Variants in PLCB1 observed in about 807,000 individuals in gnomAD.
The protein encoded by PLCB1 is phospholipase C beta 1, also known as 1-phosphatidylinositol 4,5-bisphosphate phosphodiesterase beta-1.
In PLCB1, 46 loss-of-function variants were observed where a neutral mutation model predicts 161.8. The observed-to-expected ratio is 0.28, with a 90% confidence interval of 0.22 to 0.36. The LOEUF (loss-of-function observed/expected upper bound fraction) is 0.36, where lower values mean the gene tolerates loss of function less well. Ranked by LOEUF, PLCB1 falls within the 10% of genes least tolerant of loss-of-function variation. The pLI, the probability that PLCB1 is intolerant of heterozygous loss-of-function variation, is 1.00. For missense variants in PLCB1, 1,016 were observed against 1,472.5 expected (o/e 0.69, Z 5.07); for synonymous variants, 517 against 503.7 (o/e 1.03, Z -0.35).
At chr20:8,234,769 G>C (rs1454777092) in intron 2 of PLCB1, among the ~76,000 whole-genome samples, 2 of 152,112 alleles carry the variant, frequency 1.3e-5, no homozygotes, top group Non-Finnish European at 2.9e-5. Context: ...ATTAGAAACA[G>C]TATTTAACTA....
At chr20:8,282,744 T>C (rs1982931062) in intron 2 of PLCB1, among the ~76,000 whole-genome samples, 1 of 152,200 alleles carries the variant, frequency 6.6e-6, no homozygotes, top group Non-Finnish European at 1.5e-5. Flanking sequence ...TTTTGGACTA[T>C]AAGCCAAAGT....
intron 9 of PLCB1, among the ~76,000 whole-genome samples, chr20:8,684,086 G>C (rs6056000): frequency 0.98 from 148,403 of 151,720 alleles, 72,597 homozygotes; most frequent in African/African-American, 0.99. Flanking sequence ...AGGTTTCACC[G>C]TGTTAGCCAG....
At chr20:8,727,819 A>G (rs1193193064) in intron 17 of PLCB1, among the ~76,000 whole-genome samples, 1 of 152,094 alleles carries the variant, frequency 6.6e-6, no homozygotes, top group African/African-American at 2.4e-5. Flanking sequence ...TCACATACTT[A>G]TATGTACTAT....
At chr20:8,298,484 T>C (rs1260152253) in intron 2 of PLCB1, among the ~76,000 whole-genome samples, 1 of 151,892 alleles carries the variant, frequency 6.6e-6, no homozygotes, top group East Asian at 1.9e-4. Context: ...CTTGATAATA[T>C]TTCTAATATT....
chr20:8,394,316 G>A (rs1453812509), intron 3 of PLCB1, among the ~76,000 whole-genome samples: 1 of 152,164 alleles, frequency 6.6e-6, no homozygotes, highest in African/African-American at 2.4e-5. Context: ...ACCTTGAATT[G>A]AGGTTAGATT....
intron 2 of PLCB1, among the ~76,000 whole-genome samples, chr20:8,348,134 A>G (rs1986056380): frequency 1.3e-5 from 2 of 152,186 alleles, no homozygotes. Context: ...AGTCATGACT[A>G]CAAAGATGAC....
chr20:8,746,289 T>C (rs2123534437), intron 23 of PLCB1, among the ~76,000 whole-genome samples: 1 of 152,328 alleles, frequency 6.6e-6, no homozygotes, highest in African/African-American at 2.4e-5. Context: ...ATAATGTAAT[T>C]ACAGAGATGC....
At chr20:8,293,830 G>A (rs1471020466) in intron 2 of PLCB1, among the ~76,000 whole-genome samples, 1 of 152,136 alleles carries the variant, frequency 6.6e-6, no homozygotes, top group East Asian at 1.9e-4. Context: ...CAGAGTCAAG[G>A]ATGACACCAT....
At chr20:8,237,637 T>C (rs1385660291) in intron 2 of PLCB1, among the ~76,000 whole-genome samples, 2 of 152,142 alleles carry the variant, frequency 1.3e-5, no homozygotes, top group Non-Finnish European at 2.9e-5. Flanking sequence ...TATAACTATA[T>C]CTTAATTCAG....
At chr20:8,814,997 T>G (rs1985016098) in intron 31 of PLCB1, among the ~76,000 whole-genome samples, 1 of 152,182 alleles carries the variant, frequency 6.6e-6, no homozygotes, top group East Asian at 1.9e-4. Context: ...TGCACAGCAA[T>G]CCACACTAAC....
chr20:8,834,652 TAAAA>T (rs1986191834), intron 31 of PLCB1, among the ~76,000 whole-genome samples: 1 of 151,648 alleles, frequency 6.6e-6, no homozygotes, highest in Admixed American at 6.6e-5. Flanking sequence ...CCATCTCTAT[TAAAA>T]ATACAAAAAT....
At chr20:8,809,619 G>A (rs1018289091) in intron 31 of PLCB1, among the ~76,000 whole-genome samples, 1 of 152,200 alleles carries the variant, frequency 6.6e-6, no homozygotes, top group South Asian at 2.1e-4. Flanking sequence ...CTCTTTCATG[G>A]TACAGGGTTT....
intron 3 of PLCB1, among the ~76,000 whole-genome samples, chr20:8,414,911 G>T (rs878995508): frequency 6.6e-6 from 1 of 151,986 alleles, no homozygotes; most frequent in Admixed American, 6.5e-5. Context: ...CTCCCACCCA[G>T]ACCTACTGAC....
intron 3 of PLCB1, among the ~76,000 whole-genome samples, chr20:8,495,224 C>A (rs1276153824): frequency 1.3e-5 from 2 of 151,940 alleles, no homozygotes; most frequent in Non-Finnish European, 2.9e-5. Context: ...TATGAAAGTG[C>A]TATCATTATG....
At chr20:8,233,907 A>G (rs1980192566) in intron 2 of PLCB1, among the ~76,000 whole-genome samples, 1 of 152,198 alleles carries the variant, frequency 6.6e-6, no homozygotes, top group African/African-American at 2.4e-5. Flanking sequence ...ACATTGTTGC[A>G]TGCGATTGTA....
intron 4 of PLCB1, among the ~76,000 whole-genome samples, chr20:8,639,690 T>C (rs1198271335): frequency 6.6e-6 from 1 of 152,156 alleles, no homozygotes; most frequent in Non-Finnish European, 1.5e-5. Context: ...CTGAGCACTG[T>C]TGGGCCTCTG....
At chr20:8,419,855 T>A (rs11906585) in intron 3 of PLCB1, among the ~76,000 whole-genome samples, 1 of 152,122 alleles carries the variant, frequency 6.6e-6, no homozygotes, top group Non-Finnish European at 1.5e-5. Flanking sequence ...AATCTTCTTA[T>A]AAAGTTTGAA....
chr20:8,790,125 C>A, intron 30 of PLCB1, 50 bp from the exon 31 acceptor site: 1 of 1,292,710 alleles, frequency 7.7e-7, no homozygotes, highest in Non-Finnish European at 1.1e-6. Context: ...TGAAAACGTG[C>A]ACTTTTAAAT....
At chr20:8,150,044 TAATC>T (rs1339910645) in intron 1 of PLCB1, among the ~76,000 whole-genome samples, 1 of 152,118 alleles carries the variant, frequency 6.6e-6, no homozygotes, top group African/African-American at 2.4e-5. Flanking sequence ...AAACATACCT[TAATC>T]AATAAATCAT....
Sources: gnomAD v4.1 joint callset for allele counts (sites outside exome capture counted in the v4.1 genomes callset) on GRCh38, gnomAD v4.1.1 for gene constraint, MANE v1.5 for transcripts, NCBI Gene and HGNC (gene_info 2026-07-23, HGNC 2026-07-21) for gene names.